Variants in CPSF1 observed in about 807,000 individuals in gnomAD.
The protein encoded by CPSF1 is cleavage and polyadenylation specific factor 1, also known as cleavage and polyadenylation specificity factor subunit 1.
A neutral mutation model predicts 175.8 loss-of-function variants in CPSF1; 106 were observed. The ratio of observed to expected loss-of-function variants is 0.60; its 90% CI spans 0.52 to 0.71. The LOEUF (loss-of-function observed/expected upper bound fraction) is 0.71. CPSF1 is among the 30% of genes least tolerant of loss of function. CPSF1 has a pLI of 0.00. For missense variants in CPSF1, 1,734 were observed against 2,022.9 expected, an observed-to-expected ratio of 0.86 and a Z score of 2.74; for synonymous variants, 1,024 against 858.3, an observed-to-expected ratio of 1.19 and a Z score of -3.37.
At chr8:144,395,696 C>G (rs1586612826) in intron 26 of CPSF1, 145 bp from the exon 27 acceptor site, 2 of 669,206 alleles carry the variant, frequency 3.0e-6, no homozygotes. Context: ...CTGGCGAGGT[C>G]CTGGAAGGGG....
At position 144,401,106 on chromosome 8, in the gene CPSF1, A is replaced by G. The variant is rs1821178617; in HGVS notation, c.388-31T>C. ...GGCAGAGGGGGCATCAGCCAGGCCC[A>G]GCATAGGAGACCCCGAGGGAAACAC... is the stretch of plus-strand genomic sequence containing the variant. On this transcript the variant is annotated intron_variant, in intron 5 of 37. Coordinates refer to ENST00000616140, the MANE Select transcript of CPSF1 (RefSeq NM_013291.3). The G allele has an allele frequency of 1.9e-6, 3 of 1,599,538 alleles. No individual in the cohort carries two copies. In the East Asian group the frequency reaches 6.8e-5, roughly 36 times the overall value.
In CPSF1 at chr8:144,397,729, C is replaced by T; in HGVS notation, c.2210+14G>A. 3 of 1,588,690 alleles carry T rather than the reference C, an allele frequency of 1.9e-6. No individual in the cohort carries two copies. The highest frequency in any genetic ancestry group is 1.1e-5 in the South Asian group (1 of 90,136). On this transcript the variant is annotated intron_variant, in intron 21 of 37. Transcript: ENST00000616140. The stretch of plus-strand genomic sequence containing the variant: ...GGACCCAAGCCCCTACCTGCGCCCC[C>T]AGCCCCCACGCACCTAGTCTCTGAG...
intron 5 of CPSF1, 56 bp from the exon 6 acceptor site, chr8:144,401,131 C>T (rs887327725): frequency 3.4e-6 from 5 of 1,451,460 alleles, no homozygotes; most frequent in Admixed American, 3.8e-5. Flanking sequence ...GAGGGAAACA[C>T]TTGGGGCCAC....
chr8:144,400,890 C>G (rs1002854810), intron 6 of CPSF1, 34 bp downstream of exon 6: 7 of 1,604,510 alleles, frequency 4.4e-6, no homozygotes, highest in Non-Finnish European at 6.0e-6. Context: ...CGCCTCCCAC[C>G]CCAGCACCAC....
intron 23 of CPSF1, 22 bp downstream of exon 23, chr8:144,397,185 A>G: frequency 6.6e-7 from 1 of 1,517,832 alleles, no homozygotes; most frequent in Non-Finnish European, 8.8e-7. Flanking sequence ...TGGGAAGGGG[A>G]GGCCAGGCCA....
At position 144,396,749 on chromosome 8, in the gene CPSF1, G is replaced by A; in HGVS notation, c.2683-8C>T. ...GTTGATGTTGTGAGGGACCTGGGGG[G>A]GAACCATGCAGGTCCTCCAGGGGCT... On this transcript the variant is annotated splice_region_variant and splice_polypyrimidine_tract_variant and intron_variant, in intron 24 of 37. Coordinates refer to ENST00000616140, the MANE Select transcript of CPSF1 (RefSeq NM_013291.3). The A allele has an allele frequency of 2.5e-6, 4 of 1,613,824 alleles. No homozygotes were observed. Among genetic ancestry groups the A allele is most frequent in the Non-Finnish European group, 3.4e-6 (4 of 1,179,894 alleles).
rs782555528 is a variant in CPSF1 at position 144,393,592 on chromosome 8, T to C, written c.4146-2A>G. On this transcript the variant is annotated splice_acceptor_variant, in intron 36 of 37. Transcript: ENST00000616140. LOFTEE classifies it high-confidence loss of function. ...GTGCGGCGGTCCACGTGCAGCATCC[T>C]GGGGCGTACAGGCACAGGTGTCAGG... 1 of 1,601,844 alleles carries C rather than the reference T, an allele frequency of 6.2e-7. No individual in the cohort carries two copies. The highest frequency in any genetic ancestry group is 8.5e-7 in the Non-Finnish European group (1 of 1,177,406).
rs2116869469 is a variant in CPSF1, at chr8:144,400,039, G to A, written c.984C>T (p.Thr328=). The A allele has an allele frequency of 1.9e-6, 3 of 1,612,302 alleles. No homozygotes were observed. The highest frequency in any genetic ancestry group is 1.7e-6 in the Non-Finnish European group (2 of 1,179,898). Residue 328 remains threonine, a synonymous_variant, in exon 10 of 38, where the codon ACC becomes ACT. Coordinates refer to ENST00000616140, the MANE Select transcript of CPSF1 (RefSeq NM_013291.3). ...TGACCATCTTGTCGTAGGAGATGAA[G>A]GTGGCCTGGGCGCAGTCCAGGGTGA... ...VRITLDCAQA[T]FISYDKMVIS... is the part of the protein sequence containing the mutation.
rs2116857968 is a variant in CPSF1 at position 144,399,075 on chromosome 8, C to A, written c.1468-37G>T. 1 of 1,544,148 alleles carries A rather than the reference C, an allele frequency of 6.5e-7. No homozygotes were observed. The highest frequency in any genetic ancestry group is 8.8e-7 in the Non-Finnish European group (1 of 1,142,540). Reference sequence around the variant, plus strand: ...TCGGGGGTGAGGACTATGCCCCCCACCCCCCCTCACACTCCAGCCCCTGCC... The same window carrying A: ...TCGGGGGTGAGGACTATGCCCCCCAACCCCCCTCACACTCCAGCCCCTGCC... On this transcript the variant is annotated intron_variant, in intron 15 of 37. Coordinates refer to ENST00000616140, the MANE Select transcript of CPSF1 (RefSeq NM_013291.3). This position sits in a 1 kb window ranked among gnomAD's most constrained non-coding sequence, Gnocchi z 6.4.
chr8:144,394,253 A>G lies in CPSF1; in HGVS notation c.3792T>C (p.Asn1264=), dbSNP rs781901513. The change falls in exon 33 of 38, where the codon AAT becomes AAC. Residue 1264 remains asparagine (N), a synonymous_variant. Coordinates refer to ENST00000616140, the MANE Select transcript of CPSF1 (RefSeq NM_013291.3). ...ACATACCCAGAAAACCCAGCTGGGCATTGTCCACCATGAAGTCCACGCTGT... is the reference window on the plus strand; with the variant it reads ...ACATACCCAGAAAACCCAGCTGGGCGTTGTCCACCATGAAGTCCACGCTGT... ...EVYSVDFMVD[N]AQLGFLVSDR... is the part of the protein sequence containing the mutation. 18 of 1,604,966 alleles carry G rather than the reference A, an allele frequency of 1.1e-5. No homozygotes were observed. In the East Asian group the frequency reaches 3.4e-4, roughly 30 times the overall value.
Position 144,393,683 on chromosome 8 carries a change from T to C in CPSF1, c.4129A>G (p.Asn1377Asp). The change falls in exon 36 of 38, where the codon AAC becomes GAC. Residue 1377 changes from asparagine (N) to aspartate (D), a missense_variant. Around this residue, in one of 10 missense-constraint regions of CPSF1, gnomAD observed 323 missense variants for 338.5 expected, o/e 0.95. Transcript: ENST00000616140. ...TTMLPHHAGL[N>D]PRAFRMLHVD... ...GGGGCTCACCGGAAGGCGCGGGGGTTGAGGCCGGCGTGGTGTGGCAGCATG... is the reference window on the plus strand; with the variant it reads ...GGGGCTCACCGGAAGGCGCGGGGGTCGAGGCCGGCGTGGTGTGGCAGCATG... 6.4e-7 allele frequency: 1 copy of C among 1,562,664 alleles called. No individual in the cohort carries two copies. Among genetic ancestry groups the C allele is most frequent in the Non-Finnish European group, 8.6e-7 (1 of 1,160,810 alleles).
In CPSF1 at chr8:144,393,944, C is replaced by A. The variant is rs782397246; in HGVS notation, c.3954G>T (p.Gly1318=). The A allele has an allele frequency of 5.6e-6, 9 of 1,613,636 alleles. No homozygotes were observed. In the South Asian group the frequency reaches 9.9e-5, roughly 18 times the overall value. Residue 1318 remains glycine (G), a synonymous_variant, in exon 35 of 38, where the codon GGG becomes GGT. Transcript: ENST00000616140. ...VNTFWRTPCR[G]ATEGLSKKSV... is the part of the protein sequence containing the mutation. ...ACTTTTTGCTGAGCCCTTCAGTGGC[C>A]CCCCGGCACGGGGTCCTCCAGAACG...
rs1820570708 is a variant in CPSF1 at position 144,394,416 on chromosome 8, T to C, written c.3707A>G (p.Tyr1236Cys). The C allele has an allele frequency of 6.2e-7, 1 of 1,608,846 alleles. No individual in the cohort carries two copies. The highest frequency in any genetic ancestry group is 1.3e-5 in the African/African-American group (1 of 74,896). Residue 1236 changes from tyrosine (Y) to cysteine (C), a missense_variant, in exon 32 of 38, where the codon TAC becomes TGC. Around this residue, in one of 10 missense-constraint regions of CPSF1, gnomAD observed 323 missense variants for 338.5 expected, o/e 0.95. Transcript: ENST00000616140. Reference protein sequence around the residue: ...DVMKSISLLRYQEESKTLSLV... With the variant: ...DVMKSISLLRCQEESKTLSLV... ...GCTCAGCGTCTTGCTTTCCTCCTGG[T>C]AGCGCAGCAGCGAAATGCTCTTCAT...
Position 144,409,317 on chromosome 8 carries a change from C to G in CPSF1, c.-43G>C, listed in dbSNP as rs1821672428. Reference sequence around the variant, plus strand: ...GCAGTTGGAGCCGACTCGAGAGGAACCGGGACAGCAGCGAACTCAGTCCGG... The same window carrying G: ...GCAGTTGGAGCCGACTCGAGAGGAAGCGGGACAGCAGCGAACTCAGTCCGG... On this transcript the variant is annotated 5_prime_UTR_variant, in exon 1 of 38. Coordinates refer to ENST00000616140, the MANE Select transcript of CPSF1 (RefSeq NM_013291.3). 1 of 520,290 alleles carries G rather than the reference C, an allele frequency of 1.9e-6. No homozygotes were observed. The highest frequency in any genetic ancestry group is 4.9e-5 in the Admixed American group (1 of 20,376). 32.2% of individuals were successfully genotyped at this position (520,290 alleles called of 1,614,324 possible). A position where few individuals can be genotyped will look rare whatever the true frequency, so the allele number is the denominator to read the frequency against.
In CPSF1 at chr8:144,399,722, C is replaced by A; in HGVS notation, c.1120-12G>T. ...TCCATGGTGACCATCTGAGGGAGGG[C>A]AGGTGTGTGATGGCTGGGCCGGGTC... On this transcript the variant is annotated splice_polypyrimidine_tract_variant and intron_variant, in intron 11 of 37. Coordinates refer to ENST00000616140, the MANE Select transcript of CPSF1 (RefSeq NM_013291.3). This position sits in a 1 kb window ranked among gnomAD's most constrained non-coding sequence, Gnocchi z 6.4. 2.5e-6 allele frequency: 4 copies of A among 1,606,932 alleles called. No homozygotes were observed. Among genetic ancestry groups the A allele is most frequent in the Non-Finnish European group, 3.4e-6 (4 of 1,176,920 alleles).
Position 144,398,459 on chromosome 8 carries a change from G to GT in CPSF1, c.1753-17dup. The stretch of plus-strand genomic sequence containing the variant: ...TCTGCAGGATCTGCGGGCGACAGCT[G>GT]TGAGGGAGGCGCCCCCCGCAGGGGA... On this transcript the variant is annotated splice_polypyrimidine_tract_variant and intron_variant, in intron 18 of 37. Coordinates refer to ENST00000616140, the MANE Select transcript of CPSF1 (RefSeq NM_013291.3). 6.2e-7 allele frequency: 1 copy of GT among 1,613,588 alleles called. No individual in the cohort carries two copies. Among genetic ancestry groups the GT allele is most frequent in the African/African-American group, 1.3e-5 (1 of 75,034 alleles).
At chr8:144,400,135 G>GGGCGCCCCCCCCCCCCCCCCCC in intron 9 of CPSF1, 31 bp downstream of exon 9, 3 of 896,010 alleles carry the variant, frequency 3.3e-6, no homozygotes, top group Non-Finnish European at 4.8e-6. Flanking sequence ...CCGTCCCCGG[G>GGGCGCCCCCCCCCCCCCCCCCC]CCCCCCCCGC....
At chr8:144,403,369 C>G (rs2116894604) in intron 2 of CPSF1, among the ~76,000 whole-genome samples, 1 of 152,046 alleles carries the variant, frequency 6.6e-6, no homozygotes, top group East Asian at 1.9e-4. Flanking sequence ...GCTGGGATTA[C>G]AGGCATGAGC....
At chr8:144,396,535 G>C (rs372138214) in intron 25 of CPSF1, 35 bp from the exon 26 acceptor site, 3 of 1,608,916 alleles carry the variant, frequency 1.9e-6, no homozygotes, top group Middle Eastern at 1.7e-4. Context: ...CTGTGGATGA[G>C]GATGCTGCGG....
Sources: gnomAD v4.1 joint callset for allele counts (sites outside exome capture counted in the v4.1 genomes callset) on GRCh38, gnomAD v4.1.1 for gene constraint, gnomAD v4.1.1 regional missense constraint, Gnocchi (gnomAD v3.1) non-coding constraint, MANE v1.5 for transcripts, NCBI Gene and HGNC (gene_info 2026-07-23, HGNC 2026-07-21) for gene names.